ATP8A2: variants seen among roughly 807,000 people sequenced by gnomAD.
ATP8A2 encodes ATPase phospholipid transporting 8A2.
A neutral mutation model predicts 165.6 loss-of-function variants in ATP8A2; 100 were observed. The observed-to-expected ratio is 0.60, with a 90% CI of 0.51 to 0.71. ATP8A2 has a LOEUF of 0.71. Among genes scored for constraint, ATP8A2 ranks in the 30% least tolerant of loss-of-function variants. ATP8A2 has a pLI of 0.00. For missense variants in ATP8A2, 1,227 were observed against 1,479.5 expected (o/e 0.83, Z 2.80); for synonymous variants, 543 against 548.8 (o/e 0.99, Z 0.15).
chr13:25,919,533 A>G (rs915264137), intron 33 of ATP8A2, among the ~76,000 whole-genome samples: 5 of 151,988 alleles, frequency 3.3e-5, no homozygotes, highest in African/African-American at 9.7e-5. Flanking sequence ...CGGGAGCCTC[A>G]GGATTCTCTA....
chr13:25,642,068 A>G lies in ATP8A2; in HGVS notation c.2211+52369A>G, dbSNP rs1372857635. ...GCCATATGTAGAAAGCTGAAACTGGATCCTTTCCTTACACCTTATAGAAAA... is the reference window on the plus strand; with the variant it reads ...GCCATATGTAGAAAGCTGAAACTGGGTCCTTTCCTTACACCTTATAGAAAA... On this transcript the variant is annotated intron_variant, in intron 24 of 36. Transcript: ENST00000381655. Among the ~76,000 whole-genome samples, 5 of 152,314 alleles carry G rather than the reference A, an allele frequency of 3.3e-5. 1 individual carries two copies. In the South Asian group the frequency reaches 8.3e-4, roughly 25 times the overall value.
chr13:25,994,931 T>C (rs1956467020), intron 35 of ATP8A2, among the ~76,000 whole-genome samples: 1 of 152,066 alleles, frequency 6.6e-6, no homozygotes, highest in Non-Finnish European at 1.5e-5. Flanking sequence ...CTGGAAGAGA[T>C]TATGTAGAAC....
intron 6 of ATP8A2, among the ~76,000 whole-genome samples, chr13:25,533,670 A>C (rs1254874547): frequency 6.6e-6 from 1 of 152,174 alleles, no homozygotes; most frequent in East Asian, 1.9e-4. Context: ...TTTTGGGTGG[A>C]AAGGTCATTA....
chr13:25,515,995 G>A (rs932485845), intron 2 of ATP8A2, among the ~76,000 whole-genome samples: 1 of 152,216 alleles, frequency 6.6e-6, no homozygotes, highest in African/African-American at 2.4e-5. Flanking sequence ...TGACAATTAT[G>A]TGAGAAATCC....
chr13:25,819,908 A>G (rs1951129163), intron 27 of ATP8A2, among the ~76,000 whole-genome samples: 1 of 152,238 alleles, frequency 6.6e-6, no homozygotes, highest in Non-Finnish European at 1.5e-5. Flanking sequence ...CCTGATATGC[A>G]AATTAGTAGA....
chr13:25,417,095 G>A (rs562275064), intron 1 of ATP8A2, among the ~76,000 whole-genome samples: 1 of 152,096 alleles, frequency 6.6e-6, no homozygotes, highest in Admixed American at 6.6e-5. Context: ...TAATTATGAA[G>A]TATTGAGGTA....
intron 35 of ATP8A2, among the ~76,000 whole-genome samples, chr13:25,971,440 C>T (rs923605116): frequency 6.6e-6 from 1 of 152,100 alleles, no homozygotes; most frequent in Non-Finnish European, 1.5e-5. Flanking sequence ...ACCCCCACCT[C>T]TTTGAGGGGT....
At chr13:25,508,918 C>T (rs1283063291) in intron 2 of ATP8A2, among the ~76,000 whole-genome samples, 3 of 152,224 alleles carry the variant, frequency 2.0e-5, no homozygotes, top group Admixed American at 6.5e-5. Context: ...TCCCCCTTCT[C>T]ATCCTTCTTC....
At position 25,537,973 on chromosome 13, in the gene ATP8A2, T is replaced by A; in HGVS notation, c.508-15T>A. 6.2e-7 allele frequency: 1 copy of A among 1,603,278 alleles called. No individual in the cohort carries two copies. Among genetic ancestry groups the A allele is most frequent in the Non-Finnish European group, 8.5e-7 (1 of 1,170,186 alleles). On this transcript the variant is annotated splice_polypyrimidine_tract_variant and intron_variant, in intron 6 of 36. Coordinates refer to ENST00000381655, the MANE Select transcript of ATP8A2 (RefSeq NM_016529.6). ...TTTCTTTCGTGCCCCTCTGTCCTCA[T>A]CCCTGTCTCTCTAGGTGGCAGTGGG...
intron 2 of ATP8A2, among the ~76,000 whole-genome samples, chr13:25,472,135 T>A (rs1157124663): frequency 6.6e-6 from 1 of 152,208 alleles, no homozygotes; most frequent in East Asian, 1.9e-4. Context: ...GGCTAACACC[T>A]GTAATCCCAG....
At chr13:25,580,107 A>C (rs987874711) in intron 22 of ATP8A2, among the ~76,000 whole-genome samples, 160 bp downstream of exon 22, 1 of 152,200 alleles carries the variant, frequency 6.6e-6, no homozygotes, top group Non-Finnish European at 1.5e-5. Context: ...TTTAAGAAGC[A>C]CTTAATTTTC....
rs368246777 is a variant in ATP8A2, at chr13:25,792,704, C to A, written c.2679+17745C>A. ...GGCAGGAGGATTGCTTCAGCCTAGG[C>A]GTTCAAGAGCAGTGTTGGCAACAAA... On this transcript the variant is annotated intron_variant, in intron 27 of 36. Transcript: ENST00000381655. 7.8e-4 allele frequency among the ~76,000 whole-genome samples: 118 copies of A among 151,438 alleles called. 1 individual carries two copies. The highest frequency in any genetic ancestry group is 3.1e-3 in the South Asian group (15 of 4,792).
chr13:25,620,860 G>A (rs1194830790), intron 24 of ATP8A2, among the ~76,000 whole-genome samples: 1 of 152,180 alleles, frequency 6.6e-6, no homozygotes, highest in Non-Finnish European at 1.5e-5. Context: ...ATGAACTAAT[G>A]GTGACATTTC....
intron 21 of ATP8A2, 34 bp from the exon 22 acceptor site, chr13:25,579,774 T>C (rs982663377): frequency 5.0e-6 from 8 of 1,608,302 alleles, no homozygotes; most frequent in Non-Finnish European, 6.0e-6. Flanking sequence ...TCACGCGTTC[T>C]GCCTGCCTCC....
At chr13:25,992,591 T>G (rs188818216) in intron 35 of ATP8A2, among the ~76,000 whole-genome samples, 1 of 152,170 alleles carries the variant, frequency 6.6e-6, no homozygotes, top group African/African-American at 2.4e-5. Context: ...CTTTGTGAAT[T>G]ATGCTTTTGG....
At chr13:25,407,185 A>G (rs1444947154) in intron 1 of ATP8A2, among the ~76,000 whole-genome samples, 1 of 152,186 alleles carries the variant, frequency 6.6e-6, no homozygotes, top group Non-Finnish European at 1.5e-5. Context: ...AAACTAGGAA[A>G]ACTGCTGATA....
intron 25 of ATP8A2, among the ~76,000 whole-genome samples, chr13:25,766,385 A>G (rs749591997): frequency 6.6e-6 from 1 of 152,234 alleles, no homozygotes; most frequent in African/African-American, 2.4e-5. Context: ...ATTGAAAGAC[A>G]TACATTGAAA....
At chr13:26,001,330 G>A (rs1333358097) in intron 35 of ATP8A2, among the ~76,000 whole-genome samples, 19 of 152,118 alleles carry the variant, frequency 1.2e-4, no homozygotes, top group Admixed American at 2.6e-4. Flanking sequence ...TGTGAATAAC[G>A]CAGCTAGGGA....
intron 33 of ATP8A2, among the ~76,000 whole-genome samples, chr13:25,894,807 G>T (rs1953483769): frequency 1.3e-5 from 2 of 152,086 alleles, no homozygotes; most frequent in Admixed American, 1.3e-4. Flanking sequence ...TTGTGAATGG[G>T]AGTTCACTCA....
Sources: allele counts gnomAD v4.1 joint callset (sites outside exome capture counted in the v4.1 genomes callset), GRCh38; gene constraint gnomAD v4.1.1; transcripts MANE v1.5; gene names NCBI Gene and HGNC (gene_info 2026-07-23, HGNC 2026-07-21).